Variants in PPFIA1 observed in about 807,000 individuals in gnomAD.
PPFIA1 encodes PPFI scaffold protein A1, also known as liprin-alpha-1.
PPFIA1 carries 25 observed loss-of-function variants against 149.9 expected under a neutral mutation model. The observed-to-expected ratio is 0.17, with a 90% CI of 0.12 to 0.23. The LOEUF (loss-of-function observed/expected upper bound fraction) is 0.23. Ranked by LOEUF, PPFIA1 falls within the 10% of genes least tolerant of loss-of-function variation. The pLI, the probability that PPFIA1 is intolerant of heterozygous loss-of-function variation, is 1.00. For synonymous variants in PPFIA1, 549 were observed against 552.8 expected (o/e 0.99, Z 0.10); for missense variants, 1,362 against 1,506.5 (o/e 0.90, Z 1.59).
chr11:70,359,192 T>C (rs1044417692), intron 19 of PPFIA1, among the ~76,000 whole-genome samples: 1 of 152,228 alleles, frequency 6.6e-6, no homozygotes, highest in Non-Finnish European at 1.5e-5. Context: ...CCTTTATTTT[T>C]AGTAGAGACA....
At chr11:70,339,572 G>A (rs1339665364) in intron 14 of PPFIA1, among the ~76,000 whole-genome samples, 1 of 149,142 alleles carries the variant, frequency 6.7e-6, no homozygotes. Flanking sequence ...CTCTTGCCTC[G>A]GCCTCACAAA....
chr11:70,286,931 T>G (rs999503233), intron 2 of PPFIA1, among the ~76,000 whole-genome samples: 1 of 135,664 alleles, frequency 7.4e-6, no homozygotes, highest in Middle Eastern at 3.6e-3. Flanking sequence ...CACATATATA[T>G]ACACATATAT....
At position 70,302,481 on chromosome 11, in the gene PPFIA1, A is replaced by G. The variant is rs570996017; in HGVS notation, c.265-21921A>G. Among the ~76,000 whole-genome samples the G allele has an allele frequency of 3.3e-5, 5 of 152,308 alleles. No homozygotes were observed. The East Asian group carries it at 9.7e-4, about 29-fold the overall frequency. On this transcript the variant is annotated intron_variant, in intron 2 of 27. Transcript: ENST00000253925. ...CGGGCAGAGGGAGCACACTGCGGCA[A>G]CAGAGCTGTGAGCTGGAGACAGGGC...
Position 70,301,961 on chromosome 11 carries a change from G to T in PPFIA1, c.265-22441G>T, listed in dbSNP as rs1411309211. ...CCGTGTGAACATGGCTGCTTTGCTC[G>T]GTTCCTTGTTGTGGCTTGGGGTTTT... On this transcript the variant is annotated intron_variant, in intron 2 of 27. Coordinates refer to ENST00000253925, the MANE Select transcript of PPFIA1 (RefSeq NM_003626.5). Among the ~76,000 whole-genome samples the T allele has an allele frequency of 5.9e-5, 9 of 152,194 alleles. No individual in the cohort carries two copies. In the East Asian group the frequency reaches 1.7e-3, roughly 29 times the overall value.
chr11:70,351,049 T>C, intron 16 of PPFIA1: 1 of 1,163,196 alleles, frequency 8.6e-7, no homozygotes, highest in Non-Finnish European at 1.1e-6. Flanking sequence ...ATTTAACATA[T>C]CTTTGTATCT....
At chr11:70,375,384 G>A in intron 24 of PPFIA1, 1 of 250,698 alleles carries the variant, frequency 4.0e-6, no homozygotes, top group Non-Finnish European at 7.4e-6. Context: ...GTGTTTTTAG[G>A]TGTGCCACAT....
chr11:70,294,441 A>G (rs2051754976), intron 2 of PPFIA1, among the ~76,000 whole-genome samples: 1 of 152,150 alleles, frequency 6.6e-6, no homozygotes, highest in Admixed American at 6.5e-5. Flanking sequence ...GACAGAAAGC[A>G]GGATTTTGGT....
intron 19 of PPFIA1, 30 bp from the exon 20 acceptor site, chr11:70,362,065 C>A: frequency 6.2e-7 from 1 of 1,605,756 alleles, no homozygotes; most frequent in Non-Finnish European, 8.5e-7. Context: ...CTGGCTGATT[C>A]TTTAATTTTC....
At chr11:70,328,116 G>A (rs540640828) in intron 7 of PPFIA1, among the ~76,000 whole-genome samples, 4 of 152,258 alleles carry the variant, frequency 2.6e-5, no homozygotes, top group African/African-American at 4.8e-5. Flanking sequence ...TGGGGTACAC[G>A]TGTAGGTCTG....
At chr11:70,307,764 A>AT (rs11344792) in intron 2 of PPFIA1, among the ~76,000 whole-genome samples, 1 of 151,596 alleles carries the variant, frequency 6.6e-6, no homozygotes, top group African/African-American at 2.4e-5. Context: ...TACAAAAAAA[A>AT]TTTTTTTTTA....
chr11:70,374,842 C>G, intron 23 of PPFIA1, 76 bp from the exon 24 acceptor site: 1 of 1,334,976 alleles, frequency 7.5e-7, no homozygotes, highest in South Asian at 1.3e-5. Flanking sequence ...AGGAATCTTT[C>G]TCCTGCATTA....
intron 2 of PPFIA1, among the ~76,000 whole-genome samples, chr11:70,315,021 GACTC>G (rs2053514895): frequency 1.3e-5 from 2 of 152,144 alleles, no homozygotes; most frequent in South Asian, 2.1e-4. Flanking sequence ...GATCTCGTGA[GACTC>G]ACTCACTATC....
chr11:70,272,380 G>A lies in PPFIA1; in HGVS notation c.208G>A (p.Glu70Lys), dbSNP rs966958852. 2 of 1,614,062 alleles carry A rather than the reference G, an allele frequency of 1.2e-6. No individual in the cohort carries two copies. Among genetic ancestry groups the A allele is most frequent in the East Asian group, 2.2e-5 (1 of 44,904 alleles). The part of the protein sequence containing the change: ...TLALTQGKLH[E>K]VGHERDSLQR... ...GGCCTTAACCCAGGGGAAGTTACAC[G>A]AGGTTGGTCATGAAAGAGATTCCTT... Residue 70 changes from glutamate (E) to lysine (K), a missense_variant, in exon 2 of 28, where the codon GAG becomes AAG. By Grantham distance (56) the Glu-to-Lys change is moderately conservative. This residue lies in a region of PPFIA1 where 100 missense variants were observed against 106.2 expected (regional missense o/e 0.94). Transcript: ENST00000253925.
intron 2 of PPFIA1, among the ~76,000 whole-genome samples, chr11:70,288,160 G>C (rs1285590807): frequency 1.3e-5 from 2 of 150,194 alleles, no homozygotes; most frequent in Non-Finnish European, 3.0e-5. Flanking sequence ...TGCAACCTCT[G>C]CCTCCTGGGT....
intron 2 of PPFIA1, among the ~76,000 whole-genome samples, chr11:70,277,379 T>C (rs1232997695): frequency 6.6e-6 from 1 of 152,122 alleles, no homozygotes; most frequent in South Asian, 2.1e-4. Context: ...ATAATTATTT[T>C]GTACAGTTAA....
intron 2 of PPFIA1, among the ~76,000 whole-genome samples, chr11:70,324,082 A>G (rs988732171): frequency 2.6e-5 from 4 of 152,244 alleles, no homozygotes; most frequent in Non-Finnish European, 5.9e-5. Flanking sequence ...GTCTTCATTC[A>G]GTTCATGTCA....
chr11:70,331,536 T>C (rs1173984456), intron 8 of PPFIA1, among the ~76,000 whole-genome samples: 1 of 152,042 alleles, frequency 6.6e-6, no homozygotes, highest in Non-Finnish European at 1.5e-5. Context: ...TCCCACCACT[T>C]TGGGAGGCTG....
At position 70,382,164 on chromosome 11, in the gene PPFIA1, TAG is replaced by T; in HGVS notation, c.*12+11_*12+12del. On this transcript the variant is annotated splice_region_variant and intron_variant, in intron 27 of 27. Transcript: ENST00000253925. Reference sequence around the variant, plus strand: ...CCTGCTAAAGTCTCCTGTTGGTGAGTAGAGAGCACCACAACCCCTAGAGATGG... The same window carrying T: ...CCTGCTAAAGTCTCCTGTTGGTGAGTAGAGCACCACAACCCCTAGAGATGG... 1 of 1,609,870 alleles carries T rather than the reference TAG, an allele frequency of 6.2e-7. No individual in the cohort carries two copies. The highest frequency in any genetic ancestry group is 2.2e-5 in the East Asian group (1 of 44,806).
At position 70,372,250 on chromosome 11, in the gene PPFIA1, C is replaced by T. The variant is rs755366130; in HGVS notation, c.2901C>T (p.Ile967=). Residue 967 remains isoleucine, a synonymous_variant, in exon 22 of 28, where the codon ATC becomes ATT. Coordinates refer to ENST00000253925, the MANE Select transcript of PPFIA1 (RefSeq NM_003626.5). ...LAYGDMNHEW[I]GNEWLPSLGL... ...ATGGGGACATGAACCACGAGTGGAT[C>T]GGCAACGAGTGGCTCCCCAGCCTGG... is the stretch of plus-strand genomic sequence containing the variant. The T allele has an allele frequency of 2.2e-5, 35 of 1,614,008 alleles. No individual in the cohort carries two copies. The highest frequency in any genetic ancestry group is 2.8e-5 in the Non-Finnish European group (33 of 1,180,020).
Sources: gnomAD v4.1 joint callset for allele counts (sites outside exome capture counted in the v4.1 genomes callset) on GRCh38, gnomAD v4.1.1 for gene constraint, gnomAD v4.1.1 regional missense constraint, MANE v1.5 for transcripts, NCBI Gene and HGNC (gene_info 2026-07-23, HGNC 2026-07-21) for gene names.